The following EDEM2 variants were observed in gnomAD, a reference collection of about 807,000 sequenced individuals.
The protein encoded by EDEM2 is ER degradation-enhancing alpha-mannosidase-like protein 2.
Under a neutral mutation model 64.8 loss-of-function variants are expected in EDEM2, and 39 were observed. The observed-to-expected ratio is 0.60, with a 90% CI of 0.47 to 0.79. The LOEUF is 0.79. EDEM2 is among the 30% of genes least tolerant of loss of function. EDEM2 has a pLI of 0.00. For missense variants in EDEM2, 609 were observed against 731.3 expected, an observed-to-expected ratio of 0.83 and a Z score of 1.93; for synonymous variants, 296 against 291.5, an observed-to-expected ratio of 1.02 and a Z score of -0.16.
chr20:35,146,764 C>G, intron 2 of EDEM2, 61 bp downstream of exon 2: 1 of 1,568,362 alleles, frequency 6.4e-7, no homozygotes, highest in Non-Finnish European at 8.7e-7. Flanking sequence ...CCCAGCTGAC[C>G]CGCCCGCCGA....
intron 4 of EDEM2, 26 bp downstream of exon 4, chr20:35,142,347 T>C (rs2085666656): frequency 6.4e-7 from 1 of 1,570,024 alleles, no homozygotes; most frequent in Non-Finnish European, 8.7e-7. Flanking sequence ...TTTTTTCTTT[T>C]AAAGGTCCTA....
Position 35,120,196 on chromosome 20 carries a change from G to A in EDEM2, c.1115-1477C>T, listed in dbSNP as rs550549062. Among the ~76,000 whole-genome samples, 14 of 152,256 alleles carry A rather than the reference G, an allele frequency of 9.2e-5. No individual in the cohort carries two copies. The East Asian group carries it at 2.7e-3, about 29-fold the overall frequency. Reference sequence around the variant, plus strand: ...TCATGCCTCAACCTCCCAAGTAGCTGGAATTACAGGCATGCGCCACCAGCC... The same window carrying A: ...TCATGCCTCAACCTCCCAAGTAGCTAGAATTACAGGCATGCGCCACCAGCC... On this transcript the variant is annotated intron_variant, in intron 9 of 10. Coordinates refer to ENST00000374492, the MANE Select transcript of EDEM2 (RefSeq NM_018217.3).
intron 3 of EDEM2, among the ~76,000 whole-genome samples, chr20:35,144,084 T>C (rs2085695876): frequency 6.6e-6 from 1 of 151,858 alleles, no homozygotes; most frequent in African/African-American, 2.4e-5. Flanking sequence ...ATTTTTTATA[T>C]TTTTGGTAGA....
chr20:35,147,280 C>A lies in EDEM2; in HGVS notation c.-22G>T, dbSNP rs747251118. On this transcript the variant is annotated 5_prime_UTR_variant, in exon 1 of 11. Transcript: ENST00000374492. ...GCATAGAGCTCGTGTCCTCTCAGCG[C>A]CCCCGCAGCAGCAGCAGCCACTGCA... 14 of 1,499,070 alleles carry A rather than the reference C, an allele frequency of 9.3e-6. No individual in the cohort carries two copies. The highest frequency in any genetic ancestry group is 1.4e-5 in the African/African-American group (1 of 71,116). The allele number at this position is 1,499,070 out of a possible 1,614,324, so 92.9% of individuals were successfully genotyped here. A position where few individuals can be genotyped will look rare whatever the true frequency, so the allele number is the denominator to read the frequency against.
chr20:35,134,856 A>G lies in EDEM2; in HGVS notation c.584T>C (p.Ile195Thr). 1 of 1,614,176 alleles carries G rather than the reference A, an allele frequency of 6.2e-7. No individual in the cohort carries two copies. Among genetic ancestry groups the G allele is most frequent in the Non-Finnish European group, 8.5e-7 (1 of 1,180,020 alleles). Residue 195 changes from isoleucine to threonine, a missense_variant, in exon 6 of 11, where the codon ATT becomes ACT. Transcript: ENST00000374492. ...GETPVTCTAG[I>T]GTFIVEFATL... ...GGCAAATTCAACAATGAAGGTCCCA[A>G]TCCCTGCCGTACAGGTGACAGGGGT...
intron 4 of EDEM2, 106 bp downstream of exon 4, chr20:35,142,267 G>A (rs2085664986): frequency 2.3e-6 from 2 of 881,090 alleles, no homozygotes; most frequent in East Asian, 2.6e-5. Context: ...TTTTGGCCAA[G>A]GGTCCTGGCA....
Position 35,120,268 on chromosome 20 carries a change from G to A in EDEM2, c.1115-1549C>T, listed in dbSNP as rs1020463703. Among the ~76,000 whole-genome samples, 7 of 152,258 alleles carry A rather than the reference G, an allele frequency of 4.6e-5. No individual in the cohort carries two copies. In the East Asian group the frequency reaches 7.7e-4, roughly 17 times the overall value. On this transcript the variant is annotated intron_variant, in intron 9 of 10. Coordinates refer to ENST00000374492, the MANE Select transcript of EDEM2 (RefSeq NM_018217.3). ...AGTGGAGACAGGGTTTCGCCATGTT[G>A]GCCAGGCTGGTCTCAAACTCCTGAC...
chr20:35,126,187 C>T, intron 8 of EDEM2, 64 bp downstream of exon 8: 4 of 1,580,516 alleles, frequency 2.5e-6, no homozygotes, highest in Non-Finnish European at 2.6e-6. Context: ...TTGACTTATA[C>T]ATCAGAATGA....
rs189137488 is a variant in EDEM2 at position 35,123,580 on chromosome 20, G to A, written c.1114+310C>T. Among the ~76,000 whole-genome samples the A allele has an allele frequency of 1.9e-3, 284 of 152,124 alleles. 1 individual carries two copies. The highest frequency in any genetic ancestry group is 4.6e-3 in the African/African-American group (189 of 41,510). On this transcript the variant is annotated intron_variant, in intron 9 of 10. Coordinates refer to ENST00000374492, the MANE Select transcript of EDEM2 (RefSeq NM_018217.3). ...GCACTTCAGTCTGGGCAACAATAGC[G>A]AAACTCCATCTCAAAAAAATAAAAA...
chr20:35,146,725 G>T, intron 2 of EDEM2, 100 bp downstream of exon 2: 9 of 1,286,186 alleles, frequency 7.0e-6, no homozygotes, highest in Non-Finnish European at 9.7e-6. Context: ...GCTTTCTGGT[G>T]CCGGTGAGGA....
intron 5 of EDEM2, among the ~76,000 whole-genome samples, chr20:35,135,442 G>A (rs1393559343): frequency 6.6e-6 from 1 of 152,204 alleles, no homozygotes; most frequent in East Asian, 1.9e-4. Flanking sequence ...CTTGAGGCCA[G>A]GAGTTCGAGA....
At chr20:35,118,132 G>C (rs1179638189) in intron 10 of EDEM2, among the ~76,000 whole-genome samples, 1 of 152,086 alleles carries the variant, frequency 6.6e-6, no homozygotes, top group African/African-American at 2.4e-5. Context: ...GTAACCCTTG[G>C]GCCTAGCAGA....
At chr20:35,144,230 G>A (rs1459670794) in intron 3 of EDEM2, among the ~76,000 whole-genome samples, 2 of 152,124 alleles carry the variant, frequency 1.3e-5, no homozygotes, top group African/African-American at 2.4e-5. Flanking sequence ...GTTTCTTAAC[G>A]ATAAGAAGGA....
chr20:35,135,806 T>C (rs2146106494), intron 5 of EDEM2, among the ~76,000 whole-genome samples: 1 of 152,180 alleles, frequency 6.6e-6, no homozygotes, highest in East Asian at 1.9e-4. Context: ...GATTTATAGG[T>C]AGGGAAAACC....
In EDEM2 at chr20:35,147,336, C is replaced by T; in HGVS notation, c.-78G>A. 7.3e-7 allele frequency: 1 copy of T among 1,368,624 alleles called. No homozygotes were observed. The highest frequency in any genetic ancestry group is 9.5e-7 in the Non-Finnish European group (1 of 1,051,938). 84.8% of individuals were successfully genotyped at this position (1,368,624 alleles called of 1,614,324 possible). ...TTCATCCTGGGAGCTGCTGCGGGTT[C>T]TTCCGGGAATCCGCGCCACTGCGCC... On this transcript the variant is annotated 5_prime_UTR_variant, in exon 1 of 11. Coordinates refer to ENST00000374492, the MANE Select transcript of EDEM2 (RefSeq NM_018217.3).
chr20:35,130,355 C>G (rs2085491599), intron 7 of EDEM2, among the ~76,000 whole-genome samples: 1 of 152,138 alleles, frequency 6.6e-6, no homozygotes. Context: ...AAGGCATGAG[C>G]CACTGTGCCT....
rs1251441064 is a variant in EDEM2, at chr20:35,142,361, A to G, written c.364+12T>C. The G allele has an allele frequency of 1.9e-6, 3 of 1,602,202 alleles. No homozygotes were observed. Among genetic ancestry groups the G allele is most frequent in the Non-Finnish European group, 2.6e-6 (3 of 1,169,852 alleles). ...CTTTTTTCTTTTAAAGGTCCTAGAG[A>G]GCAGCCCTTACCTCGAATGTTTGTT... On this transcript the variant is annotated intron_variant, in intron 4 of 10. Coordinates refer to ENST00000374492, the MANE Select transcript of EDEM2 (RefSeq NM_018217.3).
intron 4 of EDEM2, among the ~76,000 whole-genome samples, chr20:35,139,975 A>T (rs567099511): frequency 9.2e-5 from 14 of 152,304 alleles, no homozygotes; most frequent in Admixed American, 6.5e-4. Context: ...TAATGGAAAA[A>T]GTTTTTAACA....
chr20:35,126,659 T>C (rs1273242972), intron 7 of EDEM2, among the ~76,000 whole-genome samples: 1 of 152,120 alleles, frequency 6.6e-6, no homozygotes, highest in Non-Finnish European at 1.5e-5. Context: ...ACATCTATAA[T>C]CCCAGCACTT....
Sources: allele counts gnomAD v4.1 joint callset (sites outside exome capture counted in the v4.1 genomes callset), GRCh38; gene constraint gnomAD v4.1.1; transcripts MANE v1.5; gene names NCBI Gene and HGNC (gene_info 2026-07-23, HGNC 2026-07-21).